CCNJ: variants seen among roughly 807,000 people sequenced by gnomAD.
CCNJ encodes the protein cyclin J.
In CCNJ, 12 loss-of-function variants were observed where a neutral mutation model predicts 41.4. The ratio of observed to expected loss-of-function variants is 0.29; its 90% CI spans 0.19 to 0.47. The LOEUF (loss-of-function observed/expected upper bound fraction) is 0.47. Among genes scored for constraint, CCNJ ranks in the 20% least tolerant of loss-of-function variants. The pLI is 1.00. For missense variants in CCNJ, 340 were observed against 464.6 expected (o/e 0.73, Z 2.47); for synonymous variants, 161 against 173.4 (o/e 0.93, Z 0.56).
At position 96,044,429 on chromosome 10, in the gene CCNJ, G is replaced by T; in HGVS notation, c.36G>T (p.Leu12=). Residue 12 remains leucine, a synonymous_variant, in exon 2 of 6, where the codon CTG becomes CTT. Transcript: ENST00000465148. ...AGGGGCAGTGGTGGCGAGGACAGCT[G>T]GCCGCCGATATTCACCAAGCGCTTC... The part of the protein sequence containing the change: ...ELEGQWWRGQ[L]AADIHQALRY... 6.4e-7 allele frequency: 1 copy of T among 1,563,134 alleles called. No individual in the cohort carries two copies. The highest frequency in any genetic ancestry group is 8.7e-7 in the Non-Finnish European group (1 of 1,150,062).
chr10:96,055,979 T>C (rs763773378), intron 3 of CCNJ, among the ~76,000 whole-genome samples: 2 of 152,218 alleles, frequency 1.3e-5, no homozygotes, highest in Non-Finnish European at 2.9e-5. Context: ...CTATTTTTTA[T>C]TTCAGATAAA....
At chr10:96,044,531 T>C in intron 2 of CCNJ, 69 bp downstream of exon 2, 3 of 1,254,528 alleles carry the variant, frequency 2.4e-6, no homozygotes, top group Non-Finnish European at 2.2e-6. Context: ...CTCGGCTCTC[T>C]AGAAGGTCTA....
chr10:96,057,842 T>C lies in CCNJ; in HGVS notation c.753T>C (p.Asn251=). ...CIERLLIAHD[N]DVKEANKQRG... Reference sequence around the variant, plus strand: ...CTCCACGTTTCAGCGCTCATGATAATGATGTGAAAGAAGCAAACAAACAGA... The same window carrying C: ...CTCCACGTTTCAGCGCTCATGATAACGATGTGAAAGAAGCAAACAAACAGA... Residue 251 remains asparagine, a synonymous_variant, in exon 6 of 6, where the codon AAT becomes AAC. Transcript: ENST00000465148. 6.2e-7 allele frequency: 1 copy of C among 1,613,742 alleles called. No homozygotes were observed. The highest frequency in any genetic ancestry group is 1.1e-5 in the South Asian group (1 of 91,038).
At position 96,057,540 on chromosome 10, in the gene CCNJ, T is replaced by C. The variant is rs528011530; in HGVS notation, c.741-290T>C. ...GCCCCATTCCTAACATCATTGAATT[T>C]TGGGGGCCACCAGGATGTTACCAAA... is the stretch of plus-strand genomic sequence containing the variant. On this transcript the variant is annotated intron_variant, in intron 5 of 5. Transcript: ENST00000465148. Among the ~76,000 whole-genome samples, 8 of 152,336 alleles carry C rather than the reference T, an allele frequency of 5.3e-5. No individual in the cohort carries two copies. In the East Asian group the frequency reaches 9.6e-4, roughly 18 times the overall value.
chr10:96,058,660 G>T lies in CCNJ; in HGVS notation c.*419G>T. The T allele has an allele frequency of 5.0e-6, 2 of 399,562 alleles. No homozygotes were observed. The highest frequency in any genetic ancestry group is 8.8e-6 in the Non-Finnish European group (2 of 226,896). 24.8% of individuals were successfully genotyped at this position (399,562 alleles called of 1,614,324 possible). On this transcript the variant is annotated 3_prime_UTR_variant, in exon 6 of 6. Transcript: ENST00000465148. ...GCCAAACAGTCTTTTATGAAGGAAA[G>T]TTACAGTATTAATTTTTGAAAAGGT...
At chr10:96,049,481 CTTTTTT>C (rs150769179) in intron 2 of CCNJ, among the ~76,000 whole-genome samples, 8 of 108,300 alleles carry the variant, frequency 7.4e-5, no homozygotes, top group African/African-American at 1.1e-4. Flanking sequence ...TTTTCTTTTT[CTTTTTT>C]TTTTTTTTTT....
chr10:96,051,053 A>G (rs984862814), intron 3 of CCNJ, among the ~76,000 whole-genome samples: 2 of 152,230 alleles, frequency 1.3e-5, no homozygotes, highest in African/African-American at 4.8e-5. Flanking sequence ...CCATATTCTT[A>G]TATTAGAATA....
rs368393458 is a variant in CCNJ, at chr10:96,058,013, A to C, written c.924A>C (p.Gln308His). The change falls in exon 6 of 6, where the codon CAA (glutamine) becomes CAC (histidine). Residue 308 changes from glutamine (Q) to histidine (H), a missense_variant. Around this residue, in one of 3 missense-constraint regions of CCNJ, gnomAD observed 159 missense variants for 168.2 expected, o/e 0.95. Coordinates refer to ENST00000465148, the MANE Select transcript of CCNJ (RefSeq NM_001134375.2). ...SLQYRHPTSE[Q>H]PSCQQIVSTT... ...AGTATCGCCATCCTACGTCAGAACA[A>C]CCAAGCTGTCAGCAGATTGTATCGA... is the stretch of plus-strand genomic sequence containing the variant. 2 of 1,614,110 alleles carry C rather than the reference A, an allele frequency of 1.2e-6. No individual in the cohort carries two copies. Among genetic ancestry groups the C allele is most frequent in the Non-Finnish European group, 1.7e-6 (2 of 1,180,000 alleles).
chr10:96,054,740 G>GA (rs2080632382), intron 3 of CCNJ, among the ~76,000 whole-genome samples: 1 of 152,158 alleles, frequency 6.6e-6, no homozygotes, highest in South Asian at 2.1e-4. Flanking sequence ...TTTGAGCAGT[G>GA]AAATTGGTCA....
chr10:96,054,563 A>C (rs190303584), intron 3 of CCNJ, among the ~76,000 whole-genome samples: 6 of 152,312 alleles, frequency 3.9e-5, no homozygotes, highest in Admixed American at 1.3e-4. Context: ...CAAATATTTT[A>C]TAAATATAAA....
chr10:96,049,873 A>C (rs1838872539), intron 2 of CCNJ, among the ~76,000 whole-genome samples: 1 of 152,150 alleles, frequency 6.6e-6, no homozygotes. Flanking sequence ...TCTAACCAAA[A>C]GTTCTGAGCA....
intron 3 of CCNJ, among the ~76,000 whole-genome samples, chr10:96,054,038 C>T (rs945300838): frequency 6.6e-6 from 1 of 152,150 alleles, no homozygotes; most frequent in Admixed American, 6.5e-5. Flanking sequence ...ATCTTCTCTA[C>T]CACATACCTA....
chr10:96,044,537 G>A, intron 2 of CCNJ, 75 bp downstream of exon 2: 3 of 1,189,250 alleles, frequency 2.5e-6, no homozygotes, highest in Non-Finnish European at 2.3e-6. Context: ...TCTCTAGAAG[G>A]TCTAGTCAGG....
At chr10:96,050,072 A>C (rs986111206) in intron 2 of CCNJ, among the ~76,000 whole-genome samples, 184 bp from the exon 3 acceptor site, 3 of 152,180 alleles carry the variant, frequency 2.0e-5, no homozygotes, top group Non-Finnish European at 2.9e-5. Context: ...GTAAGGAGAA[A>C]AATTTGGTTT....
At position 96,058,808 on chromosome 10, in the gene CCNJ, A is replaced by G. The variant is rs2142075219; in HGVS notation, c.*567A>G. The G allele has an allele frequency of 3.8e-6, 1 of 261,286 alleles. No homozygotes were observed. Among genetic ancestry groups the G allele is most frequent in the East Asian group, 6.9e-5 (1 of 14,564 alleles). 16.2% of individuals were successfully genotyped at this position (261,286 alleles called of 1,614,324 possible). ...AAAATTTTTTTAGATGATTCTATATAACTTCGTCTCACAAATAGTGTAGGT... is the reference window on the plus strand; with the variant it reads ...AAAATTTTTTTAGATGATTCTATATGACTTCGTCTCACAAATAGTGTAGGT... On this transcript the variant is annotated 3_prime_UTR_variant, in exon 6 of 6. Coordinates refer to ENST00000465148, the MANE Select transcript of CCNJ (RefSeq NM_001134375.2).
chr10:96,058,049 C>G lies in CCNJ; in HGVS notation c.960C>G (p.Thr320=), dbSNP rs752931264. The change falls in exon 6 of 6, where the codon ACC becomes ACG. Residue 320 remains threonine (T), a synonymous_variant. Coordinates refer to ENST00000465148, the MANE Select transcript of CCNJ (RefSeq NM_001134375.2). The stretch of plus-strand genomic sequence containing the variant: ...AGCAGATTGTATCGACCACACACAC[C>G]TCATCTTACACACTACAGACATGTC... ...SCQQIVSTTH[T]SSYTLQTCPA... 4 of 1,614,174 alleles carry G rather than the reference C, an allele frequency of 2.5e-6. No individual in the cohort carries two copies. In the South Asian group the frequency reaches 4.4e-5, roughly 18 times the overall value.
chr10:96,058,866 G>A lies in CCNJ; in HGVS notation c.*625G>A, dbSNP rs2080762088. ...TTTATATACTAAAATTAAGGGTGGAGAAGATCTTATTTTTTAAATCATGGT... is the reference window on the plus strand; with the variant it reads ...TTTATATACTAAAATTAAGGGTGGAAAAGATCTTATTTTTTAAATCATGGT... On this transcript the variant is annotated 3_prime_UTR_variant, in exon 6 of 6. Coordinates refer to ENST00000465148, the MANE Select transcript of CCNJ (RefSeq NM_001134375.2). The A allele has an allele frequency of 5.5e-6, 1 of 181,538 alleles. No individual in the cohort carries two copies. Among genetic ancestry groups the A allele is most frequent in the South Asian group, 2.0e-4 (1 of 5,102 alleles). 11.2% of individuals were successfully genotyped at this position (181,538 alleles called of 1,614,324 possible). A position where few individuals can be genotyped will look rare whatever the true frequency, so the allele number is the denominator to read the frequency against.
At chr10:96,056,147 A>G (rs991376557) in intron 3 of CCNJ, among the ~76,000 whole-genome samples, 1 of 152,120 alleles carries the variant, frequency 6.6e-6, no homozygotes, top group Non-Finnish European at 1.5e-5. Flanking sequence ...GTCTCTACTA[A>G]AAATACAAAA....
rs1161832470 is a variant in CCNJ, at chr10:96,059,035, T to C, written c.*794T>C. The C allele has an allele frequency of 6.5e-6, 1 of 152,700 alleles. No homozygotes were observed. The highest frequency in any genetic ancestry group is 1.5e-5 in the Non-Finnish European group (1 of 68,060). 9.5% of individuals were successfully genotyped at this position (152,700 alleles called of 1,614,324 possible). On this transcript the variant is annotated 3_prime_UTR_variant, in exon 6 of 6. Coordinates refer to ENST00000465148, the MANE Select transcript of CCNJ (RefSeq NM_001134375.2). ...AATGTTATAGTGTGAACTACCTTTA[T>C]AACATAGGTTAAAATACGCTTGCTA...
Sources: allele counts gnomAD v4.1 joint callset (sites outside exome capture counted in the v4.1 genomes callset), GRCh38; gene constraint gnomAD v4.1.1; regional missense constraint gnomAD v4.1.1; transcripts MANE v1.5; gene names NCBI Gene and HGNC (gene_info 2026-07-23, HGNC 2026-07-21).